AGBL1: variants seen among roughly 807,000 people sequenced by gnomAD.
The protein encoded by AGBL1 is cytosolic carboxypeptidase 4.
AGBL1 carries 130 observed loss-of-function variants against 118.9 expected under a neutral mutation model. That is an observed-to-expected ratio of 1.09 (90% CI 0.95 to 1.26). The LOEUF is 1.26. Among genes scored for constraint, AGBL1 ranks in the 50% most tolerant of loss-of-function variants. AGBL1 has a pLI of 0.00. For missense variants in AGBL1, 1,584 were observed against 1,298.1 expected, an observed-to-expected ratio of 1.22 and a Z score of -3.38; for synonymous variants, 555 against 478.9, an observed-to-expected ratio of 1.16 and a Z score of -2.08.
chr15:86,080,786 T>C (rs1895220949), intron 1 of AGBL1, among the ~76,000 whole-genome samples: 1 of 152,070 alleles, frequency 6.6e-6, no homozygotes, highest in East Asian at 1.9e-4. Flanking sequence ...GGTCTCCATG[T>C]AGATTTAAGG....
At chr15:86,766,937 TA>T (rs1428316014) in intron 22 of AGBL1, among the ~76,000 whole-genome samples, 1 of 151,924 alleles carries the variant, frequency 6.6e-6, no homozygotes, top group Admixed American at 6.6e-5. Context: ...CTGGCTGGAA[TA>T]GAGGGAGGAA....
chr15:86,671,517 C>T lies in AGBL1; in HGVS notation c.2995-2756C>T, dbSNP rs12438520. 5.0e-3 allele frequency among the ~76,000 whole-genome samples: 754 copies of T among 152,184 alleles called. 21 individuals are homozygous for T. The East Asian group carries it at 0.055, about 11-fold the overall frequency. On this transcript the variant is annotated intron_variant, in intron 21 of 22. Coordinates refer to ENST00000614907, the MANE Select transcript of AGBL1 (RefSeq NM_001386094.1). ...ATTTATACTCACTTTTAAACAAATC[C>T]GGAGCCAGTTTTATTCATAAACTTT...
rs3059643 is a variant in AGBL1, at chr15:86,828,914, G to GTATATATATATA, written c.3159-78156_3159-78145dup. 3.9e-3 allele frequency among the ~76,000 whole-genome samples: 549 copies of GTATATATATATA among 141,804 alleles called. 4 individuals are homozygous for GTATATATATATA. The highest frequency in any genetic ancestry group is 0.012 in the African/African-American group (444 of 37,910). 93.0% of individuals were successfully genotyped at this position (141,804 alleles called of 152,430 possible). ...ATTCATATGGTCATAAAGTTCAAAA[G>GTATATATATATA]TATATATATATATATATATATATAT... On this transcript the variant is annotated intron_variant, in intron 22 of 22. Coordinates refer to ENST00000614907, the MANE Select transcript of AGBL1 (RefSeq NM_001386094.1).
intron 22 of AGBL1, among the ~76,000 whole-genome samples, chr15:86,818,957 G>A (rs1022491466): frequency 6.6e-6 from 1 of 152,152 alleles, no homozygotes; most frequent in East Asian, 1.9e-4. Flanking sequence ...TTGCCACAGT[G>A]CCTTTTAGTG....
chr15:86,456,888 T>G (rs180884626), intron 18 of AGBL1, among the ~76,000 whole-genome samples: 1 of 152,356 alleles, frequency 6.6e-6, no homozygotes, highest in African/African-American at 2.4e-5. Flanking sequence ...TTAACTAGGT[T>G]GAATGACCAA....
chr15:86,549,506 A>G (rs1323635834), intron 20 of AGBL1, among the ~76,000 whole-genome samples: 2 of 152,112 alleles, frequency 1.3e-5, no homozygotes, highest in East Asian at 3.9e-4. Context: ...TAATCCAGGA[A>G]AGTAGTTAAA....
At chr15:86,981,045 C>CT (rs1353585117) in intron 23 of AGBL1, among the ~76,000 whole-genome samples, 4 of 151,970 alleles carry the variant, frequency 2.6e-5, no homozygotes, top group Non-Finnish European at 5.9e-5. Context: ...CGCTGCCACC[C>CT]CTGGCTAACT....
At chr15:87,024,979 T>C (rs2081710385) in intron 24 of AGBL1, among the ~76,000 whole-genome samples, 1 of 151,874 alleles carries the variant, frequency 6.6e-6, no homozygotes, top group African/African-American at 2.4e-5. Context: ...GGGACATACC[T>C]CAATATAATA....
chr15:86,414,504 C>T (rs1480457645), intron 18 of AGBL1, among the ~76,000 whole-genome samples: 2 of 152,150 alleles, frequency 1.3e-5, no homozygotes, highest in African/African-American at 4.8e-5. Context: ...TTCTTAATGG[C>T]TTCTGCAGGA....
intron 21 of AGBL1, among the ~76,000 whole-genome samples, chr15:86,656,521 T>C (rs549258093): frequency 6.6e-6 from 1 of 152,320 alleles, no homozygotes; most frequent in South Asian, 2.1e-4. Flanking sequence ...TTGAAGGGAA[T>C]GTCTAGCAGG....
intron 23 of AGBL1, among the ~76,000 whole-genome samples, chr15:86,928,551 CT>C (rs1480200998): frequency 6.6e-6 from 1 of 152,190 alleles, no homozygotes; most frequent in Non-Finnish European, 1.5e-5. Flanking sequence ...CTATCACGTG[CT>C]GCAGAGCTTC....
chr15:86,445,531 G>T (rs1409648937), intron 18 of AGBL1, among the ~76,000 whole-genome samples: 1 of 152,184 alleles, frequency 6.6e-6, no homozygotes, highest in Non-Finnish European at 1.5e-5. Flanking sequence ...AGCACTCCTT[G>T]TTGTTAAGTA....
chr15:86,115,401 T>C (rs537436930), intron 1 of AGBL1, among the ~76,000 whole-genome samples: 2 of 152,236 alleles, frequency 1.3e-5, no homozygotes, highest in Non-Finnish European at 2.9e-5. Context: ...TTATTGGCTA[T>C]TTCTTTCTTT....
At chr15:86,936,002 G>A (rs527653223) in intron 23 of AGBL1, among the ~76,000 whole-genome samples, 2 of 152,358 alleles carry the variant, frequency 1.3e-5, no homozygotes, top group South Asian at 4.1e-4. Flanking sequence ...GTCCTCGGCT[G>A]AAGAGCCCTG....
chr15:86,495,398 T>TAA (rs575079751), intron 18 of AGBL1, among the ~76,000 whole-genome samples: 15,969 of 121,096 alleles, frequency 0.13, 933 homozygotes, highest in East Asian at 0.21. Context: ...TATCTTTTTT[T>TAA]TAAAAAAAAA....
At chr15:86,479,529 G>C (rs957850586) in intron 18 of AGBL1, among the ~76,000 whole-genome samples, 2 of 152,290 alleles carry the variant, frequency 1.3e-5, no homozygotes, top group African/African-American at 4.8e-5. Context: ...ACCACAATGA[G>C]ATACCATCTC....
chr15:86,445,095 G>C (rs144768708), intron 18 of AGBL1, among the ~76,000 whole-genome samples: 1 of 152,116 alleles, frequency 6.6e-6, no homozygotes, highest in Admixed American at 6.5e-5. Flanking sequence ...CTTCCTATCT[G>C]CTTCACATGG....
intron 22 of AGBL1, among the ~76,000 whole-genome samples, chr15:86,767,364 T>A (rs530474342): frequency 6.6e-6 from 1 of 152,032 alleles, no homozygotes; most frequent in South Asian, 2.1e-4. Flanking sequence ...AAAGCCAAGC[T>A]AGGGAAAGAC....
intron 17 of AGBL1, among the ~76,000 whole-genome samples, chr15:86,302,830 C>T (rs2079774677): frequency 6.8e-6 from 1 of 146,666 alleles, no homozygotes; most frequent in Admixed American, 6.8e-5. Flanking sequence ...TACAGGACTA[C>T]AGAATTGTGG....
Sources: allele counts gnomAD v4.1 joint callset (sites outside exome capture counted in the v4.1 genomes callset), GRCh38; gene constraint gnomAD v4.1.1; transcripts MANE v1.5; gene names NCBI Gene and HGNC (gene_info 2026-07-23, HGNC 2026-07-21).